KCNQ1OT1: variants seen among roughly 807,000 people sequenced by gnomAD.
KCNQ1OT1 encodes the protein KCNQ1 opposite strand/antisense transcript 1.
At position 2,655,763 on chromosome 11, in the gene KCNQ1OT1, C is replaced by T. The variant is rs1199797513; in HGVS notation, n.44232G>A. 1.0e-5 allele frequency: 4 copies of T among 392,432 alleles called. No individual in the cohort carries two copies. The East Asian group carries it at 1.1e-4, about 11-fold the overall frequency. 24.3% of individuals were successfully genotyped at this position (392,432 alleles called of 1,614,324 possible). A position where few individuals can be genotyped will look rare whatever the true frequency, so the allele number is the denominator to read the frequency against. On this transcript the variant is annotated non_coding_transcript_exon_variant, in exon 1 of 1. Coordinates refer to ENST00000597346, the Ensembl canonical transcript of KCNQ1OT1. Reference sequence around the variant, plus strand: ...GGTGAAAACAGGGAAGAGGTGGCAGCTCTGGTCACTGCCTCCCTGTGGTGG... The same window carrying T: ...GGTGAAAACAGGGAAGAGGTGGCAGTTCTGGTCACTGCCTCCCTGTGGTGG...
At chr11:2,634,847 T>G (rs947382912) in exon 1 of KCNQ1OT1, 3 of 152,214 alleles carry the variant, frequency 2.0e-5, no homozygotes, top group African/African-American at 7.2e-5. Context: ...ACCTGTTGTT[T>G]CCTGAATTTT....
At chr11:2,615,358 C>T in exon 1 of KCNQ1OT1, 1 of 398,016 alleles carries the variant, frequency 2.5e-6, no homozygotes, top group Non-Finnish European at 4.4e-6. Flanking sequence ...TTTACTGCTT[C>T]CTTTCCAATT....
In KCNQ1OT1 at chr11:2,611,986, T is replaced by C. The variant is rs1848985492; in HGVS notation, n.88009A>G. The C allele has an allele frequency of 2.5e-6, 1 of 398,658 alleles. No homozygotes were observed. Among genetic ancestry groups the C allele is most frequent in the Non-Finnish European group, 4.4e-6 (1 of 226,070 alleles). 24.7% of individuals were successfully genotyped at this position (398,658 alleles called of 1,614,324 possible). ...TGCCCTATTCTCTCCTTCTCAGTAC[T>C]CTTATTAACACATATGTTGTTACTC... On this transcript the variant is annotated non_coding_transcript_exon_variant, in exon 1 of 1. Coordinates refer to ENST00000597346, the Ensembl canonical transcript of KCNQ1OT1. The surrounding 1 kb of genome is among the most constrained non-coding windows in gnomAD (Gnocchi z 5.3).
exon 1 of KCNQ1OT1, chr11:2,688,175 C>T (rs892275194): frequency 4.5e-5 from 18 of 398,668 alleles, no homozygotes; most frequent in Non-Finnish European, 7.1e-5. Flanking sequence ...CTGCAGACAG[C>T]TCCCAAGCAA....
exon 1 of KCNQ1OT1, chr11:2,629,693 T>G: frequency 7.5e-6 from 3 of 398,530 alleles, no homozygotes; most frequent in Middle Eastern, 6.3e-4. Flanking sequence ...CTATTTTAAA[T>G]GAAATTGTTT....
chr11:2,648,689 A>G (rs1849705218), exon 1 of KCNQ1OT1: 1 of 398,424 alleles, frequency 2.5e-6, no homozygotes, highest in African/African-American at 2.1e-5. Context: ...TTTGTGTCCT[A>G]ACATATGGTA....
Position 2,673,785 on chromosome 11 carries a change from T to C in KCNQ1OT1, n.26210A>G, listed in dbSNP as rs1187736793. On this transcript the variant is annotated non_coding_transcript_exon_variant, in exon 1 of 1. Coordinates refer to ENST00000597346, the Ensembl canonical transcript of KCNQ1OT1. This position sits in a 1 kb window ranked among gnomAD's most constrained non-coding sequence, Gnocchi z 4.5. ...TTGCTGGTATGTTGGGAAGCTCTGG[T>C]GCAAAGGGCAGTGATGGCCCTTCAA... The C allele has an allele frequency of 2.5e-6, 1 of 398,546 alleles. No individual in the cohort carries two copies. The highest frequency in any genetic ancestry group is 3.6e-5 in the East Asian group (1 of 28,086). 24.7% of individuals were successfully genotyped at this position (398,546 alleles called of 1,614,324 possible).
rs1849000345 is a variant in KCNQ1OT1 at position 2,612,694 on chromosome 11, ATACT to A, written n.87297_87300del. On this transcript the variant is annotated non_coding_transcript_exon_variant, in exon 1 of 1. Coordinates refer to ENST00000597346, the Ensembl canonical transcript of KCNQ1OT1. The surrounding 1 kb of genome is among the most constrained non-coding windows in gnomAD (Gnocchi z 5.5). ...TTTTGGTTCTTTGAACATAGTTATA[ATACT>A]TACTTTGAAATCGCGCCCTAACATT... 5 of 398,422 alleles carry A rather than the reference ATACT, an allele frequency of 1.3e-5. No homozygotes were observed. The highest frequency in any genetic ancestry group is 2.2e-5 in the Non-Finnish European group (5 of 226,046). The allele number at this position is 398,422 out of a possible 1,614,324, so 24.7% of individuals were successfully genotyped here. A position where few individuals can be genotyped will look rare whatever the true frequency, so the allele number is the denominator to read the frequency against.
At chr11:2,615,325 G>A in exon 1 of KCNQ1OT1, 1 of 397,994 alleles carries the variant, frequency 2.5e-6, no homozygotes, top group Non-Finnish European at 4.4e-6. Flanking sequence ...CTAGATAGAA[G>A]ATGTCATTAT....
chr11:2,684,127 C>T (rs1399562152), exon 1 of KCNQ1OT1: 5 of 398,464 alleles, frequency 1.3e-5, no homozygotes, highest in African/African-American at 2.1e-5. Context: ...TTAAGGGGAC[C>T]GTTTCCCTTG....
exon 1 of KCNQ1OT1, chr11:2,616,080 A>G (rs2133797167): frequency 2.5e-6 from 1 of 398,156 alleles, no homozygotes; most frequent in East Asian, 3.6e-5. Context: ...TTTGGTCTGT[A>G]TTAGTATTTT....
chr11:2,688,251 T>G (rs1850525800), exon 1 of KCNQ1OT1: 1 of 398,606 alleles, frequency 2.5e-6, no homozygotes, highest in Non-Finnish European at 4.4e-6. Flanking sequence ...CTGTTTGATC[T>G]GAGAGGGAGG....
Position 2,661,507 on chromosome 11 carries a change from A to G in KCNQ1OT1, n.38488T>C. The G allele has an allele frequency of 2.2e-6, 1 of 462,896 alleles. No individual in the cohort carries two copies. The highest frequency in any genetic ancestry group is 3.8e-6 in the Non-Finnish European group (1 of 263,990). The allele number at this position is 462,896 out of a possible 1,614,324, so 28.7% of individuals were successfully genotyped here. ...CCAGGCTTGCCATTCCTCATGGGTC[A>G]GAGGTCCTATCACCCCATCTTTCCT... is the stretch of plus-strand genomic sequence containing the variant. On this transcript the variant is annotated non_coding_transcript_exon_variant, in exon 1 of 1. Transcript: ENST00000597346. The surrounding 1 kb of genome is among the most constrained non-coding windows in gnomAD (Gnocchi z 5.9).
At chr11:2,640,232 C>T (rs941204978) in exon 1 of KCNQ1OT1, 54 of 395,374 alleles carry the variant, frequency 1.4e-4, no homozygotes, top group Middle Eastern at 1.3e-3. Context: ...ACTGTCTTGA[C>T]GAGCCCCAGT....
exon 1 of KCNQ1OT1, chr11:2,655,455 C>T (rs2133848084): frequency 2.5e-6 from 1 of 398,672 alleles, no homozygotes; most frequent in African/African-American, 2.1e-5. Context: ...CAAAGGGCAC[C>T]TGGCATTGCT....
exon 1 of KCNQ1OT1, chr11:2,630,882 T>C (rs1849341472): frequency 2.5e-6 from 1 of 398,438 alleles, no homozygotes; most frequent in Admixed American, 4.4e-5. Context: ...TTTTTATCTT[T>C]CAGAACTTTG....
In KCNQ1OT1 at chr11:2,677,215, TCAAC is replaced by T; in HGVS notation, n.22776_22779del. ...GACTGACCTCTTTGGCTGTCTCTTG[TCAAC>T]CAAAGACAATATAAAGCACACACAA... is the stretch of plus-strand genomic sequence containing the variant. On this transcript the variant is annotated non_coding_transcript_exon_variant, in exon 1 of 1. Transcript: ENST00000597346. The surrounding 1 kb of genome is among the most constrained non-coding windows in gnomAD (Gnocchi z 4.5). 7.5e-6 allele frequency: 3 copies of T among 398,604 alleles called. No homozygotes were observed. The highest frequency in any genetic ancestry group is 1.3e-5 in the Non-Finnish European group (3 of 226,058). 24.7% of individuals were successfully genotyped at this position (398,604 alleles called of 1,614,324 possible).
At chr11:2,665,297 CAG>C (rs771162851) in exon 1 of KCNQ1OT1, 1 of 398,440 alleles carries the variant, frequency 2.5e-6, no homozygotes, top group South Asian at 1.3e-4. Flanking sequence ...AACCATATGA[CAG>C]GGCTTCTGAG....
At chr11:2,665,708 C>T in exon 1 of KCNQ1OT1, 1 of 398,286 alleles carries the variant, frequency 2.5e-6, no homozygotes, top group Non-Finnish European at 4.4e-6. Flanking sequence ...GCATGTATAG[C>T]CCTCTTGGTC....
Sources: gnomAD v4.1 joint callset for allele counts on GRCh38, gnomAD v4.1.1 for gene constraint, Gnocchi (gnomAD v3.1) non-coding constraint, MANE v1.5 for transcripts, NCBI Gene and HGNC (gene_info 2026-07-23, HGNC 2026-07-21) for gene names.